The following ZBTB38 variants were observed in gnomAD, a reference collection of about 807,000 sequenced individuals.
ZBTB38 encodes the protein zinc finger and BTB domain containing 38.
ZBTB38 carries 20 observed loss-of-function variants against 76.8 expected under a neutral mutation model. The observed-to-expected ratio is 0.26, with a 90% confidence interval of 0.18 to 0.38. The LOEUF (loss-of-function observed/expected upper bound fraction) is 0.38. Among genes scored for constraint, ZBTB38 ranks in the 10% least tolerant of loss-of-function variants. ZBTB38 has a pLI of 1.00. For missense variants in ZBTB38, 1,082 were observed against 1,482.3 expected (o/e 0.73, Z 4.43); for synonymous variants, 504 against 544.2 (o/e 0.93, Z 1.03).
At chr3:141,365,308 A>G (rs1943934135), upstream of ZBTB38, among the ~76,000 whole-genome samples, 1 of 152,230 alleles carries the variant, frequency 6.6e-6, no homozygotes, top group Non-Finnish European at 1.5e-5. Flanking sequence ...AAAGAAATTC[A>G]CTTCTTACAG....
intron 1 of ZBTB38, among the ~76,000 whole-genome samples, chr3:141,328,673 C>T (rs1942749760): frequency 6.6e-6 from 1 of 152,150 alleles, no homozygotes. Context: ...CACAGAGCGT[C>T]TCTAAAACAC....
In ZBTB38 at chr3:141,444,736, A is replaced by C. The variant is rs762389260; in HGVS notation, c.2348A>C (p.His783Pro). The change falls in exon 6 of 6, where the codon CAT (histidine) becomes CCT (proline). Residue 783 changes from histidine to proline, a missense_variant. His to Pro is a moderately conservative substitution (Grantham distance 77). Around this residue, in one of 8 missense-constraint regions of ZBTB38, gnomAD observed 471 missense variants for 581.0 expected, o/e 0.81. Coordinates refer to ENST00000321464, the MANE Select transcript of ZBTB38 (RefSeq NM_001376113.1). This position sits in a 1 kb window ranked among gnomAD's most constrained non-coding sequence, Gnocchi z 5.1. ...SIKEKKKTTS[H>P]TRGEIPEESN... ...AAGGAGAAAAAGAAAACTACATCAC[A>C]TACCAGGGGAGAAATACCGGAGGAG... 3 of 1,614,050 alleles carry C rather than the reference A, an allele frequency of 1.9e-6. No homozygotes were observed. The highest frequency in any genetic ancestry group is 1.3e-5 in the African/African-American group (1 of 74,928).
intron 2 of ZBTB38, among the ~76,000 whole-genome samples, chr3:141,372,765 G>C (rs1414809361): frequency 6.6e-6 from 1 of 152,200 alleles, no homozygotes; most frequent in Non-Finnish European, 1.5e-5. Flanking sequence ...GAGCCAAATG[G>C]GGATGATGTG....
chr3:141,332,114 T>C (rs1214668475), intron 1 of ZBTB38, among the ~76,000 whole-genome samples: 1 of 152,164 alleles, frequency 6.6e-6, no homozygotes, highest in African/African-American at 2.4e-5. Context: ...CTCATTTTTG[T>C]GCTTATCTTG....
At chr3:141,407,649 G>C (rs1955027428) in intron 5 of ZBTB38, among the ~76,000 whole-genome samples, 1 of 152,172 alleles carries the variant, frequency 6.6e-6, no homozygotes, top group Non-Finnish European at 1.5e-5. Context: ...AATCCACCTG[G>C]GGAACTTGTC....
chr3:141,418,553 A>G lies in ZBTB38; in HGVS notation c.-1+14522A>G, dbSNP rs576681829. ...TCTCCTCCATTGGAGAGTGGGCTCC[A>G]GGAGGTTGCTGAATGAGGGAAGAAA... On this transcript the variant is annotated intron_variant, in intron 5 of 5. Coordinates refer to ENST00000321464, the MANE Select transcript of ZBTB38 (RefSeq NM_001376113.1). 8.5e-5 allele frequency among the ~76,000 whole-genome samples: 13 copies of G among 152,322 alleles called. No individual in the cohort carries two copies. In the South Asian group the frequency reaches 2.7e-3, roughly 32 times the overall value.
chr3:141,398,948 G>A (rs1053213284), intron 4 of ZBTB38, among the ~76,000 whole-genome samples: 10 of 151,906 alleles, frequency 6.6e-5, no homozygotes, highest in African/African-American at 2.4e-4. Flanking sequence ...TAATTTATAG[G>A]TTTCTCTCCT....
intron 1 of ZBTB38, among the ~76,000 whole-genome samples, chr3:141,361,832 C>A (rs891725830): frequency 2.6e-5 from 4 of 152,154 alleles, no homozygotes; most frequent in African/African-American, 9.7e-5. Flanking sequence ...TAAAAGTGGA[C>A]AGATCACTAA....
intron 1 of ZBTB38, among the ~76,000 whole-genome samples, chr3:141,356,984 G>A (rs1195826436): frequency 6.6e-6 from 1 of 152,110 alleles, no homozygotes; most frequent in African/African-American, 2.4e-5. Context: ...CTACCAAATT[G>A]CTGTCTTCAA....
intron 1 of ZBTB38, among the ~76,000 whole-genome samples, chr3:141,351,550 C>T (rs1943512927): frequency 6.6e-6 from 1 of 151,610 alleles, no homozygotes. Context: ...ATCTGGGCAA[C>T]ATAGTGACCC....
chr3:141,417,109 C>T (rs576917832), intron 5 of ZBTB38, among the ~76,000 whole-genome samples: 10 of 152,274 alleles, frequency 6.6e-5, no homozygotes, highest in South Asian at 6.2e-4. Flanking sequence ...TGGAGTGGCA[C>T]GAAGAAATGA....
intron 5 of ZBTB38, chr3:141,432,084 AGATGTGTGTGG>A (rs1307134855): frequency 2.0e-6 from 2 of 985,308 alleles, no homozygotes; most frequent in East Asian, 1.1e-4. Context: ...TATACTGTAA[AGATGTGTGTGG>A]GATGGTACAG....
chr3:141,409,094 G>A (rs1008228920), intron 5 of ZBTB38, among the ~76,000 whole-genome samples: 1 of 152,082 alleles, frequency 6.6e-6, no homozygotes, highest in Non-Finnish European at 1.5e-5. Flanking sequence ...TGCCCAGGCT[G>A]GAGTGCAGTG....
chr3:141,351,196 A>G (rs966309517), intron 1 of ZBTB38, among the ~76,000 whole-genome samples: 14 of 152,196 alleles, frequency 9.2e-5, no homozygotes, highest in African/African-American at 3.4e-4. Flanking sequence ...AACTGACATT[A>G]CTGTTATTTG....
Position 141,442,392 on chromosome 3 carries a change from A to G in ZBTB38, c.4A>G (p.Thr2Ala), listed in dbSNP as rs2080482528. The G allele has an allele frequency of 6.2e-7, 1 of 1,606,452 alleles. No homozygotes were observed. The highest frequency in any genetic ancestry group is 1.3e-5 in the African/African-American group (1 of 74,572). M[T>A]VMSLSRDLKD... ...CATTTCTCTCCTCTTGTTTCAGATG[A>G]CAGTCATGTCCCTTTCCAGGGACCT... Residue 2 changes from threonine to alanine, a missense_variant, in exon 6 of 6, where the codon ACA becomes GCA. Thr to Ala is a moderately conservative substitution (Grantham distance 58). Transcript: ENST00000321464. The surrounding 1 kb of genome is among the most constrained non-coding windows in gnomAD (Gnocchi z 6.4).
intron 1 of ZBTB38, among the ~76,000 whole-genome samples, chr3:141,338,437 A>G (rs554981343): frequency 2.6e-5 from 4 of 152,364 alleles, no homozygotes; most frequent in African/African-American, 7.2e-5. Flanking sequence ...AATGTGGTAC[A>G]TAGACACCAT....
Position 141,342,725 on chromosome 3 carries a change from CTTTTTTT to C in ZBTB38, c.-739+18285_-739+18291del, listed in dbSNP as rs60578286. 6.7e-3 allele frequency among the ~76,000 whole-genome samples: 734 copies of C among 108,814 alleles called. 7 individuals are homozygous for C. Among genetic ancestry groups the C allele is most frequent in the African/African-American group, 0.023 (683 of 29,708 alleles). 71.4% of individuals were successfully genotyped at this position (108,814 alleles called of 152,430 possible). On this transcript the variant is annotated intron_variant, in intron 1 of 7. Coordinates refer to the ZBTB38 transcript ENST00000509842. ...AGAGAGGGCAATAAGGTCCCATGAT[CTTTTTTT>C]TTTTTTTTTTTTTTTAATGCACAGA...
At chr3:141,382,613 T>G (rs1457038330) in intron 3 of ZBTB38, among the ~76,000 whole-genome samples, 1 of 152,236 alleles carries the variant, frequency 6.6e-6, no homozygotes, top group Non-Finnish European at 1.5e-5. Context: ...ATAAAATATT[T>G]TTTGAATTAT....
chr3:141,370,353 T>G (rs1325299846), intron 2 of ZBTB38, among the ~76,000 whole-genome samples: 2 of 152,186 alleles, frequency 1.3e-5, no homozygotes. Flanking sequence ...CTAGAAGTGG[T>G]GCGTGTTACT....
Sources: allele counts gnomAD v4.1 joint callset (sites outside exome capture counted in the v4.1 genomes callset), GRCh38; gene constraint gnomAD v4.1.1; regional missense constraint gnomAD v4.1.1; non-coding constraint Gnocchi (gnomAD v3.1); transcripts MANE v1.5; gene names NCBI Gene and HGNC (gene_info 2026-07-23, HGNC 2026-07-21).